COL5A1: variants seen among roughly 807,000 people sequenced by gnomAD.
The protein encoded by COL5A1 is collagen alpha-1(V) chain.
In COL5A1, 16 loss-of-function variants were observed where a neutral mutation model predicts 263.7. That is an observed-to-expected ratio of 0.06 (90% confidence interval 0.04 to 0.09). The LOEUF (loss-of-function observed/expected upper bound fraction) is 0.09, where lower values mean the gene tolerates loss of function less well. Among genes scored for constraint, COL5A1 ranks in the 10% least tolerant of loss-of-function variants. The probability of loss-of-function intolerance (pLI) is 1.00; values close to 1 mark genes in which losing one functional copy is unlikely to be tolerated. For synonymous variants in COL5A1, 1,012 were observed against 1,004.5 expected (o/e 1.01, Z -0.14); for missense variants, 2,036 against 2,540.5 (o/e 0.80, Z 4.27).
rs1287327433 is a variant in COL5A1 at position 134,716,964 on chromosome 9, C to G, written c.655-10302C>G. On this transcript the variant is annotated intron_variant, in intron 4 of 65. Coordinates refer to ENST00000371817, the MANE Select transcript of COL5A1 (RefSeq NM_000093.5). This position sits in a 1 kb window ranked among gnomAD's most constrained non-coding sequence, Gnocchi z 4.5. ...CATGAAAATATTTCTCTGACACTCT[C>G]GTTAATAGTGTGAAACTCGTTCTCA... 6.6e-6 allele frequency among the ~76,000 whole-genome samples: 1 copy of G among 152,210 alleles called. No individual in the cohort carries two copies. The highest frequency in any genetic ancestry group is 1.5e-5 in the Non-Finnish European group (1 of 68,026).
chr9:134,772,941 C>T, intron 26 of COL5A1, 107 bp downstream of exon 26: 1 of 1,179,390 alleles, frequency 8.5e-7, no homozygotes. Context: ...AAGGAAGGAG[C>T]CGGGGACACT....
intron 18 of COL5A1, among the ~76,000 whole-genome samples, chr9:134,760,353 CCCCACA>C (rs1225033659): frequency 3.1e-5 from 3 of 95,260 alleles, no homozygotes; most frequent in African/African-American, 5.5e-5. Flanking sequence ...CCCCACACAC[CCCCACA>C]CATACACACA....
rs1400897171 is a variant in COL5A1, at chr9:134,647,610, C to T, written c.109+5314C>T. Among the ~76,000 whole-genome samples, 5 of 152,186 alleles carry T rather than the reference C, an allele frequency of 3.3e-5. No homozygotes were observed. Among genetic ancestry groups the T allele is most frequent in the Non-Finnish European group, 7.3e-5 (5 of 68,036 alleles). On this transcript the variant is annotated intron_variant, in intron 1 of 65. Transcript: ENST00000371817. This position sits in a 1 kb window ranked among gnomAD's most constrained non-coding sequence, Gnocchi z 5.0. ...GGCGACGTTTCTCTCCTTACCGTGACCCGGCCCCAGCTGGACGGGAGAGGA... is the reference window on the plus strand; with the variant it reads ...GGCGACGTTTCTCTCCTTACCGTGATCCGGCCCCAGCTGGACGGGAGAGGA...
Position 134,782,743 on chromosome 9 carries a change from T to C in COL5A1, c.2484+23T>C, listed in dbSNP as rs781248990. ...CGGGTGAGCATCTCAGGTTTGGGAT[T>C]TGGGCTGGGGAAAGCTGGGTGGGCT... On this transcript the variant is annotated intron_variant, in intron 29 of 65. Transcript: ENST00000371817. 6.6e-5 allele frequency: 106 copies of C among 1,613,422 alleles called. 1 individual carries two copies. The South Asian group carries it at 7.7e-4, about 12-fold the overall frequency.
At chr9:134,715,234 G>A (rs1834220103) in intron 4 of COL5A1, among the ~76,000 whole-genome samples, 1 of 152,100 alleles carries the variant, frequency 6.6e-6, no homozygotes, top group African/African-American at 2.4e-5. Context: ...AAAAGGTGCT[G>A]TGCTTTGATG....
At chr9:134,714,205 G>T (rs1834164453) in intron 4 of COL5A1, among the ~76,000 whole-genome samples, 1 of 152,076 alleles carries the variant, frequency 6.6e-6, no homozygotes, top group Admixed American at 6.5e-5. Context: ...TGCTACAGAG[G>T]CATGTTCGGG....
chr9:134,811,437 C>G (rs1460970665), intron 45 of COL5A1, 45 bp downstream of exon 45: 6 of 1,613,548 alleles, frequency 3.7e-6, no homozygotes, highest in South Asian at 2.2e-5. Flanking sequence ...CCACGCCCCC[C>G]CAGAGCTGCT....
At chr9:134,786,801 C>T (rs906103501) in intron 31 of COL5A1, among the ~76,000 whole-genome samples, 9 of 152,200 alleles carry the variant, frequency 5.9e-5, no homozygotes, top group African/African-American at 1.7e-4. Context: ...AGCGGGGTCC[C>T]GTCTTTCTCA....
chr9:134,838,836 G>T (rs1037255202), intron 65 of COL5A1, among the ~76,000 whole-genome samples: 1 of 152,222 alleles, frequency 6.6e-6, no homozygotes, highest in Non-Finnish European at 1.5e-5. Context: ...CGGCCAAGCT[G>T]GACAGGTGGT....
In COL5A1 at chr9:134,825,870, C is replaced by G. The variant is rs145299315; in HGVS notation, c.5033C>G (p.Ser1678Trp). 32 of 1,612,840 alleles carry G rather than the reference C, an allele frequency of 2.0e-5. No homozygotes were observed. The highest frequency in any genetic ancestry group is 2.5e-5 in the Non-Finnish European group (29 of 1,179,256). Reference sequence around the variant, plus strand: ...TACTGCAACTTCACAGCCGGGGGGTCGACATGCGTCTTCCCTGACAAGAAG... The same window carrying G: ...TACTGCAACTTCACAGCCGGGGGGTGGACATGCGTCTTCCCTGACAAGAAG... ...KVYCNFTAGG[S>W]TCVFPDKKSE... The change falls in exon 63 of 66, where the codon TCG becomes TGG. Residue 1678 changes from serine (S) to tryptophan (W), a missense_variant. Coordinates refer to ENST00000371817, the MANE Select transcript of COL5A1 (RefSeq NM_000093.5).
In COL5A1 at chr9:134,732,088, C is replaced by A. The variant is rs576332528; in HGVS notation, c.1350C>A (p.Gly450=). The part of the protein sequence containing the change: ...TIYEGIGGPR[G]EKGQKGEPAI... Reference sequence around the variant, plus strand: ...ACCCCCAGATTGGAGGACCTCGGGGCGAGAAAGGCCAAAAGGGAGAACCAG... The same window carrying A: ...ACCCCCAGATTGGAGGACCTCGGGGAGAGAAAGGCCAAAAGGGAGAACCAG... Residue 450 remains glycine (G), a synonymous_variant, in exon 9 of 66, where the codon GGC becomes GGA. Transcript: ENST00000371817. The A allele has an allele frequency of 1.2e-6, 2 of 1,614,066 alleles. No individual in the cohort carries two copies. Among genetic ancestry groups the A allele is most frequent in the African/African-American group, 1.3e-5 (1 of 74,922 alleles).
At chr9:134,819,153 G>A (rs1375843875) in intron 57 of COL5A1, 100 bp downstream of exon 57, 3 of 1,279,496 alleles carry the variant, frequency 2.3e-6, no homozygotes, top group African/African-American at 1.5e-5. Context: ...TCACCTAAAT[G>A]TGTCAAGCAC....
chr9:134,818,659 G>A lies in COL5A1; in HGVS notation c.4234G>A (p.Glu1412Lys), dbSNP rs376893441. 3.1e-5 allele frequency: 50 copies of A among 1,608,900 alleles called. No homozygotes were observed. The highest frequency in any genetic ancestry group is 4.2e-5 in the Non-Finnish European group (50 of 1,178,366). The change falls in exon 55 of 66, where the codon GAA (glutamate) becomes AAA (lysine). Residue 1412 changes from glutamate (E) to lysine (K), a missense_variant. Transcript: ENST00000371817. This position sits in a 1 kb window ranked among gnomAD's most constrained non-coding sequence, Gnocchi z 6.0. ...TCTGCCCTCCGCCGTCCTGCAGGGA[G>A]AAGCCGGCTTGGAAGGCCCTCCTGG... ...GRQGEKGAKG[E>K]AGLEGPPGKT...
chr9:134,798,878 G>T (rs1838012439), intron 37 of COL5A1, among the ~76,000 whole-genome samples: 1 of 152,202 alleles, frequency 6.6e-6, no homozygotes, highest in East Asian at 1.9e-4. Context: ...GAAAGTGCTG[G>T]GAAAGGGTCT....
At chr9:134,661,363 C>T (rs1290193640) in intron 1 of COL5A1, among the ~76,000 whole-genome samples, 1 of 151,360 alleles carries the variant, frequency 6.6e-6, no homozygotes, top group Non-Finnish European at 1.5e-5. Flanking sequence ...TCAAGGGGTC[C>T]CCAAGCAGAT....
chr9:134,806,616 GGAAGGGGCC>G (rs1838306318), intron 42 of COL5A1, among the ~76,000 whole-genome samples: 1 of 152,196 alleles, frequency 6.6e-6, no homozygotes, highest in Admixed American at 6.5e-5. Context: ...CGTGGACAGA[GGAAGGGGCC>G]GAAGACAGTC....
At chr9:134,784,716 G>A (rs961639842) in intron 29 of COL5A1, among the ~76,000 whole-genome samples, 1 of 152,270 alleles carries the variant, frequency 6.6e-6, no homozygotes, top group Admixed American at 6.5e-5. Flanking sequence ...GGAAGTAGGA[G>A]CCTGCAGCCT....
chr9:134,744,530 C>G (rs1323812500), intron 11 of COL5A1, among the ~76,000 whole-genome samples: 1 of 151,600 alleles, frequency 6.6e-6, no homozygotes, highest in Non-Finnish European at 1.5e-5. Flanking sequence ...CCCATACATG[C>G]ACACTCACAC....
At chr9:134,658,947 G>A (rs1832118024) in intron 1 of COL5A1, among the ~76,000 whole-genome samples, 1 of 152,176 alleles carries the variant, frequency 6.6e-6, no homozygotes, top group Admixed American at 6.5e-5. Context: ...GGACTCTCTG[G>A]GACTTGTCTT....
Sources: gnomAD v4.1 joint callset for allele counts (sites outside exome capture counted in the v4.1 genomes callset) on GRCh38, gnomAD v4.1.1 for gene constraint, Gnocchi (gnomAD v3.1) non-coding constraint, MANE v1.5 for transcripts, NCBI Gene and HGNC (gene_info 2026-07-23, HGNC 2026-07-21) for gene names.